The following AUTS2 variants were observed in gnomAD, a reference collection of about 807,000 sequenced individuals.
AUTS2 encodes activator of transcription and developmental regulator AUTS2.
Under a neutral mutation model 112.4 loss-of-function variants are expected in AUTS2, and 17 were observed. That is an observed-to-expected ratio of 0.15 (90% confidence interval 0.10 to 0.23). AUTS2 has a LOEUF of 0.23. AUTS2 is among the 10% of genes least tolerant of loss of function. The probability of loss-of-function intolerance (pLI) is 1.00; values close to 1 mark genes in which losing one functional copy is unlikely to be tolerated. For missense variants in AUTS2, 1,510 were observed against 1,701.6 expected (o/e 0.89, Z 1.98); for synonymous variants, 751 against 702.7 (o/e 1.07, Z -1.09).
intron 4 of AUTS2, among the ~76,000 whole-genome samples, chr7:70,351,324 G>C (rs1015566005): frequency 6.6e-6 from 1 of 152,160 alleles, no homozygotes; most frequent in Non-Finnish European, 1.5e-5. Context: ...AAAGTGTCTG[G>C]ATTATAGGCG....
chr7:70,512,292 A>G, intron 5 of AUTS2, among the ~76,000 whole-genome samples: 1 of 152,202 alleles, frequency 6.6e-6, no homozygotes, highest in East Asian at 1.9e-4. Context: ...TTTTTTGGAC[A>G]TTGCTAAGCC....
At chr7:70,255,539 C>T (rs1786822343) in intron 4 of AUTS2, among the ~76,000 whole-genome samples, 1 of 152,216 alleles carries the variant, frequency 6.6e-6, no homozygotes. Flanking sequence ...TGAGTTTGCA[C>T]TCTTTTGGCA....
chr7:70,644,686 G>A (rs936636588), intron 5 of AUTS2, among the ~76,000 whole-genome samples: 5 of 151,942 alleles, frequency 3.3e-5, no homozygotes, highest in South Asian at 2.1e-4. Context: ...TTCATTCAAC[G>A]TTTGCTTCCA....
intron 1 of AUTS2, among the ~76,000 whole-genome samples, chr7:69,680,567 A>T (rs1796746456): frequency 6.6e-6 from 1 of 152,256 alleles, no homozygotes; most frequent in Non-Finnish European, 1.5e-5. Flanking sequence ...TCATCTTGTG[A>T]ATATGAAACT....
At chr7:69,710,072 T>C (rs1430908521) in intron 1 of AUTS2, among the ~76,000 whole-genome samples, 1 of 152,148 alleles carries the variant, frequency 6.6e-6, no homozygotes, top group Non-Finnish European at 1.5e-5. Context: ...GCCCTCTAAA[T>C]TGTAGGAAGA....
intron 4 of AUTS2, among the ~76,000 whole-genome samples, chr7:70,313,392 G>A (rs920364352): frequency 6.6e-5 from 10 of 152,170 alleles, no homozygotes; most frequent in African/African-American, 2.4e-4. Context: ...TTGAGTCACT[G>A]TAAGGCCATT....
chr7:69,625,107 G>C (rs1047764111), intron 1 of AUTS2, among the ~76,000 whole-genome samples: 1 of 152,194 alleles, frequency 6.6e-6, no homozygotes, highest in Non-Finnish European at 1.5e-5. Context: ...AGGAGAGCCC[G>C]AATGATTTAG....
intron 6 of AUTS2, among the ~76,000 whole-genome samples, chr7:70,703,116 G>A (rs1809547975): frequency 6.6e-6 from 1 of 151,976 alleles, no homozygotes; most frequent in Non-Finnish European, 1.5e-5. Flanking sequence ...TATTCTTTAG[G>A]TTTAGACACA....
intron 1 of AUTS2, among the ~76,000 whole-genome samples, chr7:69,757,246 T>G (rs1248637569): frequency 6.6e-6 from 1 of 152,176 alleles, no homozygotes; most frequent in Non-Finnish European, 1.5e-5. Flanking sequence ...ATTTGGGTGG[T>G]GGGTCAAGGA....
intron 2 of AUTS2, among the ~76,000 whole-genome samples, chr7:70,090,071 G>A (rs1803832344): frequency 6.6e-6 from 1 of 150,746 alleles, no homozygotes; most frequent in South Asian, 2.1e-4. Context: ...AAATAAAATA[G>A]AAATCAATTA....
At chr7:69,808,072 C>T (rs1790388170) in intron 1 of AUTS2, among the ~76,000 whole-genome samples, 1 of 151,564 alleles carries the variant, frequency 6.6e-6, no homozygotes, top group Admixed American at 6.6e-5. Flanking sequence ...GGACTACAGG[C>T]TTGCACTACC....
chr7:69,925,185 G>C (rs1795961113), intron 2 of AUTS2, among the ~76,000 whole-genome samples: 1 of 151,974 alleles, frequency 6.6e-6, no homozygotes, highest in African/African-American at 2.4e-5. Context: ...GTATGACTGG[G>C]AGTTTATTAA....
chr7:69,796,162 A>G (rs1330812298), intron 1 of AUTS2, among the ~76,000 whole-genome samples: 5 of 152,190 alleles, frequency 3.3e-5, no homozygotes, highest in African/African-American at 7.2e-5. Context: ...TCAGCAATCC[A>G]TAGACAGTGG....
At chr7:69,624,938 C>G (rs1292504110) in intron 1 of AUTS2, among the ~76,000 whole-genome samples, 2 of 125,684 alleles carry the variant, frequency 1.6e-5, no homozygotes, top group Non-Finnish European at 3.3e-5. Flanking sequence ...GCCCCCGCCC[C>G]CCACCCCCTT....
At chr7:70,605,546 C>CTTTTTTTTTT in intron 5 of AUTS2, among the ~76,000 whole-genome samples, 24 of 70,668 alleles carry the variant, frequency 3.4e-4, no homozygotes, top group East Asian at 9.6e-4. Flanking sequence ...CCTTCTTTCT[C>CTTTTTTTTTT]TTTTTTTTTT....
intron 2 of AUTS2, among the ~76,000 whole-genome samples, chr7:69,963,525 G>A (rs771414670): frequency 1.6e-4 from 25 of 152,126 alleles, no homozygotes; most frequent in Non-Finnish European, 3.1e-4. Flanking sequence ...TCTAAGAAGT[G>A]ATGTTTCTAT....
At chr7:69,677,215 G>C (rs1343569269) in intron 1 of AUTS2, among the ~76,000 whole-genome samples, 6 of 152,124 alleles carry the variant, frequency 3.9e-5, no homozygotes, top group Non-Finnish European at 7.4e-5. Context: ...TTGATGTTAA[G>C]ATTTAGTTAG....
chr7:70,726,246 TGTTTATTAG>T (rs1213888552), intron 6 of AUTS2, among the ~76,000 whole-genome samples: 1 of 152,130 alleles, frequency 6.6e-6, no homozygotes, highest in Non-Finnish European at 1.5e-5. Flanking sequence ...ACAATGGATG[TGTTTATTAG>T]AAATCTTTAT....
At chr7:70,365,435 G>A (rs1792525576) in intron 4 of AUTS2, among the ~76,000 whole-genome samples, 1 of 152,200 alleles carries the variant, frequency 6.6e-6, no homozygotes, top group African/African-American at 2.4e-5. Flanking sequence ...GTGACGTGTG[G>A]TGTAGACCAG....
Sources: gnomAD v4.1 joint callset for allele counts (sites outside exome capture counted in the v4.1 genomes callset) on GRCh38, gnomAD v4.1.1 for gene constraint, MANE v1.5 for transcripts, NCBI Gene and HGNC (gene_info 2026-07-23, HGNC 2026-07-21) for gene names.